The following DISC1 variants were observed in gnomAD, a reference collection of about 807,000 sequenced individuals.
DISC1 encodes disrupted in schizophrenia 1 protein.
A neutral mutation model predicts 84.5 loss-of-function variants in DISC1; 57 were observed. That is an observed-to-expected ratio of 0.67 (90% CI 0.55 to 0.84). The LOEUF (loss-of-function observed/expected upper bound fraction) is 0.84, where lower values mean the gene tolerates loss of function less well. Ranked by LOEUF, DISC1 falls within the 40% of genes least tolerant of loss-of-function variation. DISC1 has a pLI of 0.00. For missense variants in DISC1, 1,000 were observed against 1,057.8 expected (o/e 0.95, Z 0.76); for synonymous variants, 411 against 415.2 (o/e 0.99, Z 0.12).
intron 11 of DISC1, among the ~76,000 whole-genome samples, chr1:232,026,126 A>C (rs896202226): frequency 2.0e-5 from 3 of 152,116 alleles, no homozygotes; most frequent in Non-Finnish European, 2.9e-5. Flanking sequence ...TTGCCCATTG[A>C]TACAGCTGGA....
chr1:231,697,878 T>C (rs2065916635), intron 2 of DISC1, among the ~76,000 whole-genome samples: 1 of 152,196 alleles, frequency 6.6e-6, no homozygotes, highest in East Asian at 1.9e-4. Flanking sequence ...TAGTATCCTT[T>C]TTGTGGTCTA....
chr1:231,966,195 G>A (rs930656350), intron 10 of DISC1, among the ~76,000 whole-genome samples: 2 of 150,208 alleles, frequency 1.3e-5, no homozygotes, highest in Non-Finnish European at 3.0e-5. Context: ...GGCAACCTGA[G>A]AAGATACAGT....
intron 9 of DISC1, among the ~76,000 whole-genome samples, chr1:231,836,931 G>A (rs1337863107): frequency 1.3e-5 from 2 of 152,112 alleles, no homozygotes; most frequent in Non-Finnish European, 2.9e-5. Flanking sequence ...ACTCTGCATG[G>A]CACTTGACCT....
intron 10 of DISC1, among the ~76,000 whole-genome samples, chr1:231,996,672 T>C (rs895180918): frequency 5.9e-5 from 9 of 152,106 alleles, no homozygotes; most frequent in African/African-American, 1.9e-4. Flanking sequence ...CAGAGCACCA[T>C]TCCCCATAGA....
intron 2 of DISC1, among the ~76,000 whole-genome samples, chr1:231,697,542 C>T (rs571280618): frequency 1.3e-5 from 2 of 151,646 alleles, no homozygotes; most frequent in Non-Finnish European, 2.9e-5. Context: ...TGGGCTCAAG[C>T]GATTCTCTTG....
intron 9 of DISC1, among the ~76,000 whole-genome samples, chr1:231,919,789 TTAAAA>T (rs1352600472): frequency 1.3e-5 from 2 of 152,200 alleles, no homozygotes; most frequent in Non-Finnish European, 2.9e-5. Context: ...ATTTTGTGTA[TTAAAA>T]TAATAGGCAA....
chr1:231,825,690 C>G (rs1414660958), intron 9 of DISC1, among the ~76,000 whole-genome samples: 2 of 152,046 alleles, frequency 1.3e-5, no homozygotes, highest in Admixed American at 6.5e-5. Flanking sequence ...TTCAATGCCC[C>G]CAGGTAGGAG....
intron 1 of DISC1, among the ~76,000 whole-genome samples, chr1:231,627,781 G>A (rs1164227040): frequency 6.6e-6 from 1 of 152,194 alleles, no homozygotes; most frequent in African/African-American, 2.4e-5. Context: ...GAAATGTAAA[G>A]GAGAACACTC....
intron 9 of DISC1, among the ~76,000 whole-genome samples, chr1:231,844,809 C>T (rs544096539): frequency 6.6e-6 from 1 of 151,506 alleles, no homozygotes; most frequent in Admixed American, 6.6e-5. Flanking sequence ...CGCCTGTAGT[C>T]CCAGCTACTC....
At chr1:231,948,117 T>A (rs1353984399) in intron 9 of DISC1, among the ~76,000 whole-genome samples, 2 of 152,136 alleles carry the variant, frequency 1.3e-5, no homozygotes, top group African/African-American at 2.4e-5. Flanking sequence ...CAAAGGATCA[T>A]TGTACTATAA....
At chr1:231,959,572 T>C (rs939806558) in intron 10 of DISC1, 2 of 875,412 alleles carry the variant, frequency 2.3e-6, no homozygotes, top group Non-Finnish European at 2.7e-6. Context: ...GTTAAGTAAC[T>C]CTTTAGATAG....
intron 9 of DISC1, among the ~76,000 whole-genome samples, chr1:231,823,215 A>G (rs891238848): frequency 1.1e-4 from 16 of 143,478 alleles, no homozygotes; most frequent in African/African-American, 3.8e-4. Context: ...TTTTCCATAT[A>G]TGTCAGATAT....
intron 10 of DISC1, among the ~76,000 whole-genome samples, chr1:231,961,217 T>G (rs1268204257): frequency 6.6e-6 from 1 of 152,162 alleles, no homozygotes; most frequent in Non-Finnish European, 1.5e-5. Flanking sequence ...CTACCACAAA[T>G]AGACTGAGTG....
intron 10 of DISC1, among the ~76,000 whole-genome samples, chr1:231,968,227 G>T (rs909576981): frequency 1.3e-5 from 2 of 152,154 alleles, no homozygotes; most frequent in Admixed American, 6.5e-5. Flanking sequence ...CAAAAAATCT[G>T]CATGCAGTTC....
At chr1:232,000,076 T>C (rs2102958989) in intron 10 of DISC1, among the ~76,000 whole-genome samples, 1 of 152,258 alleles carries the variant, frequency 6.6e-6, no homozygotes, top group East Asian at 1.9e-4. Flanking sequence ...CCATTCATCA[T>C]AACAAAAACC....
intron 1 of DISC1, among the ~76,000 whole-genome samples, chr1:231,672,539 T>C (rs1411302552): frequency 1.3e-5 from 2 of 152,210 alleles, no homozygotes; most frequent in African/African-American, 4.8e-5. Flanking sequence ...CTGCTCCATT[T>C]GTTTGTGTGT....
At chr1:231,972,684 TCTGA>T (rs971480222) in intron 10 of DISC1, among the ~76,000 whole-genome samples, 1 of 152,214 alleles carries the variant, frequency 6.6e-6, no homozygotes, top group Admixed American at 6.5e-5. Flanking sequence ...AATCTCCAGC[TCTGA>T]CTGTTAATCA....
intron 9 of DISC1, among the ~76,000 whole-genome samples, chr1:231,917,398 A>C (rs1424606922): frequency 6.6e-6 from 1 of 152,262 alleles, no homozygotes; most frequent in Non-Finnish European, 1.5e-5. Flanking sequence ...TTATGCCTTG[A>C]ATAATATGAA....
intron 3 of DISC1, among the ~76,000 whole-genome samples, chr1:231,739,860 A>T (rs925311832): frequency 2.0e-5 from 3 of 152,170 alleles, no homozygotes; most frequent in African/African-American, 7.2e-5. Context: ...AATCTGGGTA[A>T]AGCTTCCTCC....
Sources: allele counts gnomAD v4.1 joint callset (sites outside exome capture counted in the v4.1 genomes callset), GRCh38; gene constraint gnomAD v4.1.1; transcripts MANE v1.5; gene names NCBI Gene and HGNC (gene_info 2026-07-23, HGNC 2026-07-21).